The following UGT2B17 variants were observed in gnomAD, a reference collection of about 807,000 sequenced individuals.
The protein encoded by UGT2B17 is UDP-glucuronosyltransferase 2B17.
UGT2B17 carries 21 observed loss-of-function variants against 48.2 expected under a neutral mutation model. The ratio of observed to expected loss-of-function variants is 0.44; its 90% CI spans 0.31 to 0.63. UGT2B17 has a LOEUF of 0.63. Ranked by LOEUF, UGT2B17 falls within the 20% of genes least tolerant of loss-of-function variation. The pLI is 0.08. For synonymous variants in UGT2B17, 146 were observed against 238.4 expected, an observed-to-expected ratio of 0.61 and a Z score of 3.57; for missense variants, 402 against 696.1, an observed-to-expected ratio of 0.58 and a Z score of 4.75.
rs768037075 is a variant in UGT2B17, at chr4:68,555,259, C to G, written c.1006-3348G>C. On this transcript the variant is annotated intron_variant, in intron 4 of 6. Transcript: ENST00000317746. ...GACATAGGGGTTACAAAACTGTAAA[C>G]CAAGCCCAAAACAGAATGATCTTCA... is the stretch of plus-strand genomic sequence containing the variant. 1.8e-4 allele frequency among the ~76,000 whole-genome samples: 22 copies of G among 125,220 alleles called. 5 individuals carry two copies. Among genetic ancestry groups the G allele is most frequent in the Non-Finnish European group, 3.0e-4 (18 of 59,090 alleles). 82.1% of individuals were successfully genotyped at this position (125,220 alleles called of 152,430 possible).
Position 68,560,867 on chromosome 4 carries a change from T to C in UGT2B17, c.874-199A>G, listed in dbSNP as rs1375004932. 1.6e-5 allele frequency among the ~76,000 whole-genome samples: 2 copies of C among 126,238 alleles called. 1 individual carries two copies. The highest frequency in any genetic ancestry group is 3.4e-5 in the Non-Finnish European group (2 of 59,572). 82.8% of individuals were successfully genotyped at this position (126,238 alleles called of 152,430 possible). On this transcript the variant is annotated intron_variant, in intron 3 of 6. Coordinates refer to ENST00000317746, the MANE Select transcript of UGT2B17 (RefSeq NM_001077.4). ...GATCTTTCATGCAAATTTGTGTAAA[T>C]ATGTGTGCATATGCATGTATGTATG...
intron 4 of UGT2B17, among the ~76,000 whole-genome samples, chr4:68,555,268 A>G (rs1370831484): frequency 7.9e-6 from 1 of 125,962 alleles, no homozygotes; most frequent in African/African-American, 2.7e-5. Flanking sequence ...ACCAAGCCCA[A>G]AACAGAATGA....
rs558141368 is a variant in UGT2B17, at chr4:68,572,560, C to T, written c.-65+3391G>A. Among the ~76,000 whole-genome samples, 222 of 126,390 alleles carry T rather than the reference C, an allele frequency of 1.8e-3. 53 individuals carry two copies. Among genetic ancestry groups the T allele is most frequent in the Non-Finnish European group, 3.0e-3 (176 of 59,634 alleles). 82.9% of individuals were successfully genotyped at this position (126,390 alleles called of 152,430 possible). On this transcript the variant is annotated intron_variant, in intron 1 of 6. Transcript: ENST00000317746. ...AAAGAGGGCATATAGAACCAGGAAG[C>T]TGATAAGAAAGACGATTATGAGGGC...
chr4:68,546,427 C>A lies in UGT2B17; in HGVS notation c.1313+4250G>T, dbSNP rs553122290. Among the ~76,000 whole-genome samples, 20 of 125,570 alleles carry A rather than the reference C, an allele frequency of 1.6e-4. 10 individuals carry two copies. In the East Asian group the frequency reaches 0.014, roughly 87 times the overall value. The allele number at this position is 125,570 out of a possible 152,430, so 82.4% of individuals were successfully genotyped here. ...ATTAGGTATTGATGGGGAGTATCTCCAAATAATAAGAGTTATCTATGACAA... is the reference window on the plus strand; with the variant it reads ...ATTAGGTATTGATGGGGAGTATCTCAAAATAATAAGAGTTATCTATGACAA... On this transcript the variant is annotated intron_variant, in intron 6 of 6. Coordinates refer to ENST00000317746, the MANE Select transcript of UGT2B17 (RefSeq NM_001077.4).
chr4:68,563,636 C>G (rs1259280740), intron 3 of UGT2B17, among the ~76,000 whole-genome samples: 1 of 126,170 alleles, frequency 7.9e-6, no homozygotes, highest in Admixed American at 8.1e-5. Flanking sequence ...CCTTATTCTC[C>G]TATTCTCTTC....
Position 68,550,786 on chromosome 4 carries a change from C to T in UGT2B17, c.1204G>A (p.Asp402Asn), listed in dbSNP as rs1390086762. 2.2e-6 allele frequency: 3 copies of T among 1,387,886 alleles called. No individual in the cohort carries two copies. Among genetic ancestry groups the T allele is most frequent in the African/African-American group, 1.5e-5 (1 of 67,664 alleles). 86.0% of individuals were successfully genotyped at this position (1,387,886 alleles called of 1,614,324 possible). Reference sequence around the variant, plus strand: ...TTGGCTTTCATGTGAGCAATGTTATCATGTTGATCCGCAAACAAGGGAATG... The same window carrying T: ...TTGGCTTTCATGTGAGCAATGTTATTATGTTGATCCGCAAACAAGGGAATG... ...VGIPLFADQH[D>N]NIAHMKAKGA... The change falls in exon 6 of 7, where the codon GAT becomes AAT. Residue 402 changes from aspartate (D) to asparagine (N), a missense_variant. By Grantham distance (23) the Asp-to-Asn change is conservative. Transcript: ENST00000317746.
chr4:68,570,396 T>C (rs1731280607), intron 1 of UGT2B17, among the ~76,000 whole-genome samples: 1 of 127,084 alleles, frequency 7.9e-6, no homozygotes. Flanking sequence ...TATGAGTTGA[T>C]TTTTAACTAC....
chr4:68,575,632 T>G (rs1420865519), intron 1 of UGT2B17, among the ~76,000 whole-genome samples: 1 of 125,852 alleles, frequency 7.9e-6, no homozygotes, highest in Non-Finnish European at 1.7e-5. Context: ...CACACAAACA[T>G]TTCAGTTTAC....
intron 3 of UGT2B17, among the ~76,000 whole-genome samples, chr4:68,565,146 C>T (rs1351323784): frequency 2.4e-5 from 3 of 126,322 alleles, no homozygotes; most frequent in Admixed American, 8.1e-5. Context: ...TTCCTTATAA[C>T]ACTTTTTAGA....
At chr4:68,559,087 T>C (rs1428876557) in intron 4 of UGT2B17, among the ~76,000 whole-genome samples, 1 of 125,810 alleles carries the variant, frequency 7.9e-6, no homozygotes, top group African/African-American at 2.7e-5. Context: ...TTATTTTATA[T>C]ACTTTATACT....
rs985049767 is a variant in UGT2B17, at chr4:68,553,725, GTTGT to G, written c.1006-1818_1006-1815del. ...GTTATTTTTTTCCTCCTAGGAAGTT[GTTGT>G]TTAAGAATCCTAATTCTAGTTTGGA... On this transcript the variant is annotated intron_variant, in intron 4 of 6. Coordinates refer to ENST00000317746, the MANE Select transcript of UGT2B17 (RefSeq NM_001077.4). Among the ~76,000 whole-genome samples, 5 of 124,690 alleles carry G rather than the reference GTTGT, an allele frequency of 4.0e-5. 1 individual carries two copies. Among genetic ancestry groups the G allele is most frequent in the African/African-American group, 1.4e-4 (5 of 36,578 alleles). 81.8% of individuals were successfully genotyped at this position (124,690 alleles called of 152,430 possible).
In UGT2B17 at chr4:68,573,664, G is replaced by A. The variant is rs568395984; in HGVS notation, c.-65+2287C>T. Reference sequence around the variant, plus strand: ...GCCAGGGTGAAAGGGATAGCCCAATGGACTAAGGCACAAATGCCACTCTAG... The same window carrying A: ...GCCAGGGTGAAAGGGATAGCCCAATAGACTAAGGCACAAATGCCACTCTAG... On this transcript the variant is annotated intron_variant, in intron 1 of 6. Transcript: ENST00000317746. Among the ~76,000 whole-genome samples, 4 of 126,148 alleles carry A rather than the reference G, an allele frequency of 3.2e-5. 1 individual carries two copies. The highest frequency in any genetic ancestry group is 1.1e-4 in the African/African-American group (4 of 36,832). The allele number at this position is 126,148 out of a possible 152,430, so 82.8% of individuals were successfully genotyped here. A position where few individuals can be genotyped will look rare whatever the true frequency, so the allele number is the denominator to read the frequency against.
Position 68,537,910 on chromosome 4 carries a change from G to A in UGT2B17, c.1314-6C>T. 7.5e-7 allele frequency: 1 copy of A among 1,330,286 alleles called. No homozygotes were observed. Among genetic ancestry groups the A allele is most frequent in the Non-Finnish European group, 9.8e-7 (1 of 1,024,004 alleles). 82.4% of individuals were successfully genotyped at this position (1,330,286 alleles called of 1,614,324 possible). A position where few individuals can be genotyped will look rare whatever the true frequency, so the allele number is the denominator to read the frequency against. On this transcript the variant is annotated splice_polypyrimidine_tract_variant and splice_region_variant and intron_variant, in intron 6 of 6. Coordinates refer to ENST00000317746, the MANE Select transcript of UGT2B17 (RefSeq NM_001077.4). ...TCATGATATTCTCTTTATAGCTGAAGGATAAATATAAAGATATCAACATTA... is the reference window on the plus strand; with the variant it reads ...TCATGATATTCTCTTTATAGCTGAAAGATAAATATAAAGATATCAACATTA...
In UGT2B17 at chr4:68,543,950, A is replaced by T. The variant is rs1202204914; in HGVS notation, c.1314-6046T>A. On this transcript the variant is annotated intron_variant, in intron 6 of 6. Transcript: ENST00000317746. ...GACTATGTGAAAAGACCAAATCTAC[A>T]TCTGATTGGTGTACCTGAAAGTGAC... 1.6e-5 allele frequency among the ~76,000 whole-genome samples: 2 copies of T among 125,742 alleles called. 1 individual carries two copies. Among genetic ancestry groups the T allele is most frequent in the Non-Finnish European group, 3.4e-5 (2 of 59,218 alleles). 82.5% of individuals were successfully genotyped at this position (125,742 alleles called of 152,430 possible).
intron 3 of UGT2B17, among the ~76,000 whole-genome samples, chr4:68,564,392 G>A (rs1364459511): frequency 8.5e-6 from 1 of 117,714 alleles, no homozygotes; most frequent in Non-Finnish European, 1.7e-5. Context: ...GCGTTCAAGC[G>A]ATTCTCCTGC....
rs1560573403 is a variant in UGT2B17 at position 68,537,860 on chromosome 4, T to G, written c.1358A>C (p.Gln453Pro). 1 of 1,374,820 alleles carries G rather than the reference T, an allele frequency of 7.3e-7. No individual in the cohort carries two copies. The highest frequency in any genetic ancestry group is 8.3e-5 in the East Asian group (1 of 12,108). 85.2% of individuals were successfully genotyped at this position (1,374,820 alleles called of 1,614,324 possible). ...IMKLSRIHHD[Q>P]PVKPLDRAVF... is the part of the protein sequence containing the mutation. ...TGCTCGATCCAGGGGCTTCACCGGT[T>G]GATCATGATGAATTCTTGATAATTT... is the stretch of plus-strand genomic sequence containing the variant. Residue 453 changes from glutamine to proline, a missense_variant, in exon 7 of 7, where the codon CAA becomes CCA. By Grantham distance (76) the Gln-to-Pro change is moderately conservative (BLOSUM62 -1). Around this residue, in one of 5 missense-constraint regions of UGT2B17, gnomAD observed 156 missense variants for 258.6 expected, o/e 0.60. Transcript: ENST00000317746.
In UGT2B17 at chr4:68,570,741, C is replaced by G. The variant is rs1471531328; in HGVS notation, c.-64-2193G>C. Among the ~76,000 whole-genome samples the G allele has an allele frequency of 2.4e-5, 3 of 126,070 alleles. 1 individual carries two copies. The highest frequency in any genetic ancestry group is 8.2e-5 in the African/African-American group (3 of 36,696). The allele number at this position is 126,070 out of a possible 152,430, so 82.7% of individuals were successfully genotyped here. A position where few individuals can be genotyped will look rare whatever the true frequency, so the allele number is the denominator to read the frequency against. On this transcript the variant is annotated intron_variant, in intron 1 of 6. Transcript: ENST00000317746. Reference sequence around the variant, plus strand: ...GAAGTACAGGTAGCAAACAAGGGAGCAGTAAGCAGGTTTTTATAATTATTG... The same window carrying G: ...GAAGTACAGGTAGCAAACAAGGGAGGAGTAAGCAGGTTTTTATAATTATTG...
chr4:68,556,945 G>A (rs1283656238), intron 4 of UGT2B17, among the ~76,000 whole-genome samples: 1 of 124,568 alleles, frequency 8.0e-6, no homozygotes, highest in Non-Finnish European at 1.7e-5. Context: ...TCTGACCTAA[G>A]TAATCCTTTA....
At chr4:68,566,498 A>G (rs1479565679) in intron 2 of UGT2B17, among the ~76,000 whole-genome samples, 1 of 125,736 alleles carries the variant, frequency 8.0e-6, no homozygotes, top group Non-Finnish European at 1.7e-5. Context: ...TGCTGTTCTC[A>G]TGATATTGAG....
Sources: allele counts gnomAD v4.1 joint callset (sites outside exome capture counted in the v4.1 genomes callset), GRCh38; gene constraint gnomAD v4.1.1; regional missense constraint gnomAD v4.1.1; transcripts MANE v1.5; gene names NCBI Gene and HGNC (gene_info 2026-07-23, HGNC 2026-07-21).